Variants in NFATC1 observed in about 807,000 individuals in gnomAD.
The protein encoded by NFATC1 is nuclear factor of activated T cells 1.
NFATC1 carries 22 observed loss-of-function variants against 76.0 expected under a neutral mutation model. That is an observed-to-expected ratio of 0.29 (90% CI 0.21 to 0.41). The LOEUF (loss-of-function observed/expected upper bound fraction) is 0.41, where lower values mean the gene tolerates loss of function less well. Ranked by LOEUF, NFATC1 falls within the 10% of genes least tolerant of loss-of-function variation. NFATC1 has a pLI of 1.00. For missense variants in NFATC1, 1,357 were observed against 1,337.7 expected (o/e 1.01, Z -0.23); for synonymous variants, 704 against 613.1 (o/e 1.15, Z -2.19).
At chr18:79,433,761 C>T in intron 3 of NFATC1, 23 bp downstream of exon 3, 1 of 1,601,198 alleles carries the variant, frequency 6.2e-7, no homozygotes, top group Non-Finnish European at 8.5e-7. Context: ...GCCAGACTCG[C>T]ACGTCACTTG....
intron 1 of NFATC1, among the ~76,000 whole-genome samples, chr18:79,406,292 A>G (rs545341152): frequency 1.3e-5 from 2 of 152,374 alleles, no homozygotes; most frequent in South Asian, 4.1e-4. Flanking sequence ...GAATCTGTAC[A>G]TGAATCAATT....
In NFATC1 at chr18:79,411,060, C is replaced by G. The variant is rs560797460; in HGVS notation, c.785C>G (p.Pro262Arg). ...GCCCGCTCCTCCAGACCCGCGTCCC[C>G]TTGCAACAAGAGGAAGTACAGCCTC... ...LGARSSRPAS[P>R]CNKRKYSLNG... Residue 262 changes from proline to arginine, a missense_variant, in exon 2 of 10, where the codon CCT (proline) becomes CGT (arginine). Pro to Arg is a moderately radical substitution (Grantham distance 103). This residue lies in a region of NFATC1 where 691 missense variants were observed against 613.1 expected (regional missense o/e 1.13). Coordinates refer to ENST00000427363, the MANE Select transcript of NFATC1 (RefSeq NM_001278669.2). The G allele has an allele frequency of 1.9e-6, 3 of 1,611,874 alleles. No homozygotes were observed. Among genetic ancestry groups the G allele is most frequent in the African/African-American group, 2.7e-5 (2 of 74,900 alleles).
intron 6 of NFATC1, among the ~76,000 whole-genome samples, chr18:79,453,482 C>T (rs1462822476): frequency 6.6e-6 from 1 of 152,236 alleles, no homozygotes; most frequent in Non-Finnish European, 1.5e-5. Context: ...CATGCGGCCG[C>T]CCCTACAGGC....
chr18:79,491,640 T>C (rs1055311740), intron 9 of NFATC1, among the ~76,000 whole-genome samples: 3 of 152,202 alleles, frequency 2.0e-5, no homozygotes, highest in African/African-American at 7.2e-5. Flanking sequence ...GGGTCCACTT[T>C]CCAGCCTCCC....
chr18:79,424,300 C>T (rs572267937), intron 2 of NFATC1, among the ~76,000 whole-genome samples: 3 of 152,282 alleles, frequency 2.0e-5, no homozygotes, highest in Admixed American at 1.3e-4. Flanking sequence ...CTCTCCTGGG[C>T]GGGCAAAACT....
rs750486382 is a variant in NFATC1, at chr18:79,451,087, A to G, written c.1723A>G (p.Thr575Ala). Residue 575 changes from threonine to alanine, a missense_variant, in exon 5 of 10, where the codon ACG becomes GCG. Physicochemically the swap from Thr to Ala is moderately conservative, Grantham distance 58 (BLOSUM62 0). Around this residue, in one of 3 missense-constraint regions of NFATC1, gnomAD observed 242 missense variants for 329.2 expected, o/e 0.74. Transcript: ENST00000427363. Reference sequence around the variant, plus strand: ...TCACGTCCCGCAACCCAGCGGCCGCACGCTGTCCCTGCAGGTGGCCTCCAA... The same window carrying G: ...TCACGTCCCGCAACCCAGCGGCCGCGCGCTGTCCCTGCAGGTGGCCTCCAA... ...RVHVPQPSGR[T>A]LSLQVASNPI... 5 of 1,613,104 alleles carry G rather than the reference A, an allele frequency of 3.1e-6. No individual in the cohort carries two copies. The highest frequency in any genetic ancestry group is 2.2e-5 in the South Asian group (2 of 91,076).
At chr18:79,401,568 C>A (rs1479095802) in intron 1 of NFATC1, among the ~76,000 whole-genome samples, 2 of 152,216 alleles carry the variant, frequency 1.3e-5, no homozygotes, top group African/African-American at 2.4e-5. Flanking sequence ...GGCCCTGGCG[C>A]CGCCTTCCAG....
intron 2 of NFATC1, among the ~76,000 whole-genome samples, chr18:79,424,791 GAC>G (rs1331909975): frequency 7.0e-5 from 8 of 114,472 alleles, no homozygotes; most frequent in African/African-American, 2.7e-4. Flanking sequence ...CTCTGTCTCT[GAC>G]TCTCTGTGTC....
intron 3 of NFATC1, among the ~76,000 whole-genome samples, chr18:79,447,501 C>T (rs1411093107): frequency 1.3e-5 from 2 of 152,202 alleles, no homozygotes; most frequent in Admixed American, 6.5e-5. Context: ...TCAGAGGGGT[C>T]GACGCGTCCC....
At chr18:79,407,142 C>T (rs1211743982) in intron 1 of NFATC1, among the ~76,000 whole-genome samples, 1 of 152,370 alleles carries the variant, frequency 6.6e-6, no homozygotes, top group Non-Finnish European at 1.5e-5. Context: ...TCACCTTCTC[C>T]CGGAAGCTGC....
chr18:79,397,685 T>TA (rs1422256267), intron 1 of NFATC1, among the ~76,000 whole-genome samples: 2 of 152,216 alleles, frequency 1.3e-5, no homozygotes, highest in Non-Finnish European at 2.9e-5. Context: ...CTGGGACACT[T>TA]ACGCCGCAGT....
At chr18:79,400,987 G>A (rs1303268733) in intron 1 of NFATC1, among the ~76,000 whole-genome samples, 6 of 51,994 alleles carry the variant, frequency 1.2e-4, no homozygotes, top group Non-Finnish European at 2.2e-4. Context: ...ACGCCCCGCA[G>A]ACCCCCCCAA....
intron 6 of NFATC1, among the ~76,000 whole-genome samples, chr18:79,456,483 T>C (rs2087732140): frequency 6.6e-6 from 1 of 152,204 alleles, no homozygotes; most frequent in East Asian, 1.9e-4. Context: ...GGCCCCGATT[T>C]CCCCAGTGAG....
intron 8 of NFATC1, among the ~76,000 whole-genome samples, chr18:79,478,916 G>A (rs1177925726): frequency 1.3e-5 from 2 of 152,198 alleles, no homozygotes; most frequent in Non-Finnish European, 2.9e-5. Context: ...GGTCTGCGGG[G>A]ACGGTTTACC....
At chr18:79,422,967 T>G (rs1162138725) in intron 2 of NFATC1, among the ~76,000 whole-genome samples, 2 of 151,000 alleles carry the variant, frequency 1.3e-5, no homozygotes, top group African/African-American at 4.9e-5. Context: ...GAGCTCAGCT[T>G]CTCACCCATC....
chr18:79,472,872 A>G (rs160188), intron 8 of NFATC1, among the ~76,000 whole-genome samples: 151,806 of 152,344 alleles, frequency 1, 75,638 homozygotes, highest in East Asian at 1. Context: ...GGCTGTGGGC[A>G]CCTTGACGCA....
At chr18:79,396,386 G>T in intron 1 of NFATC1, 35 bp downstream of exon 1, 1 of 1,202,414 alleles carries the variant, frequency 8.3e-7, no homozygotes, top group Non-Finnish European at 1.0e-6. Flanking sequence ...CCGGACCCCT[G>T]CGCCCCCCAC....
chr18:79,422,573 A>G (rs955193438), intron 2 of NFATC1: 3 of 152,352 alleles, frequency 2.0e-5, no homozygotes, highest in Admixed American at 1.3e-4. Context: ...CCCGGAGGGC[A>G]GGGGAGTGAG....
chr18:79,434,204 G>C (rs1192701299), intron 3 of NFATC1, among the ~76,000 whole-genome samples: 5 of 152,228 alleles, frequency 3.3e-5, no homozygotes, highest in African/African-American at 1.2e-4. Context: ...GAGGAGAGGA[G>C]GAGTGGCTTC....
Sources: gnomAD v4.1 joint callset for allele counts (sites outside exome capture counted in the v4.1 genomes callset) on GRCh38, gnomAD v4.1.1 for gene constraint, gnomAD v4.1.1 regional missense constraint, MANE v1.5 for transcripts, NCBI Gene and HGNC (gene_info 2026-07-23, HGNC 2026-07-21) for gene names.